RBFOX1: variants seen among roughly 807,000 people sequenced by gnomAD.
RBFOX1 encodes RNA binding protein fox-1 homolog 1.
In RBFOX1, 8 loss-of-function variants were observed where a neutral mutation model predicts 57.7. That is an observed-to-expected ratio of 0.14 (90% confidence interval 0.08 to 0.25). The LOEUF is 0.25. RBFOX1 is among the 10% of genes least tolerant of loss of function. RBFOX1 has a pLI of 1.00. For synonymous variants in RBFOX1, 326 were observed against 222.4 expected (o/e 1.47, Z -4.15); for missense variants, 611 against 548.5 (o/e 1.11, Z -1.14).
intron 4 of RBFOX1, among the ~76,000 whole-genome samples, chr16:7,492,855 C>T (rs1279359674): frequency 1.3e-5 from 2 of 152,128 alleles, no homozygotes; most frequent in Non-Finnish European, 2.9e-5. Context: ...GAGACCTCCC[C>T]AGAAGCCAAA....
intron 1 of RBFOX1, among the ~76,000 whole-genome samples, chr16:5,354,827 T>G (rs1372189843): frequency 6.6e-6 from 1 of 152,180 alleles, no homozygotes; most frequent in African/African-American, 2.4e-5. Context: ...AGACTCCTGA[T>G]GGCAGCAGCC....
At chr16:7,241,857 T>C (rs1361062268) in intron 4 of RBFOX1, among the ~76,000 whole-genome samples, 2 of 152,034 alleles carry the variant, frequency 1.3e-5, no homozygotes, top group African/African-American at 4.8e-5. Flanking sequence ...AATATGTATA[T>C]AAGTATATAT....
chr16:7,584,083 G>T (rs192676485), intron 6 of RBFOX1, among the ~76,000 whole-genome samples: 39 of 152,272 alleles, frequency 2.6e-4, no homozygotes, highest in Admixed American at 2.0e-3. Context: ...TCTGCATTCT[G>T]AACAGGAAGC....
At chr16:5,332,239 C>T (rs962220832) in intron 1 of RBFOX1, among the ~76,000 whole-genome samples, 2 of 151,976 alleles carry the variant, frequency 1.3e-5, no homozygotes, top group Non-Finnish European at 2.9e-5. Context: ...CACGCAGAGG[C>T]ATTTGCCTCA....
chr16:7,215,069 C>T (rs11865256), intron 4 of RBFOX1, among the ~76,000 whole-genome samples: 58,304 of 151,866 alleles, frequency 0.38, 11,377 homozygotes, highest in Middle Eastern at 0.44. Flanking sequence ...CTCCACCCCC[C>T]GCGGACAGGC....
intron 2 of RBFOX1, chr16:6,483,813 G>T: frequency 7.4e-7 from 1 of 1,359,796 alleles, no homozygotes; most frequent in Admixed American, 3.1e-5. Context: ...CGCCTCCGGG[G>T]CTGCTGATTA....
chr16:6,494,766 C>T (rs145446686), intron 2 of RBFOX1, among the ~76,000 whole-genome samples: 1 of 152,154 alleles, frequency 6.6e-6, no homozygotes, highest in African/African-American at 2.4e-5. Context: ...CATTGGAAGT[C>T]AATGCCAGTT....
chr16:6,053,294 G>C (rs565332479), intron 1 of RBFOX1, among the ~76,000 whole-genome samples: 1 of 152,326 alleles, frequency 6.6e-6, no homozygotes, highest in South Asian at 2.1e-4. Flanking sequence ...GTGTCCCAGA[G>C]CAGGAATTGC....
At chr16:6,972,480 T>G (rs1482439524) in intron 3 of RBFOX1, among the ~76,000 whole-genome samples, 1 of 152,204 alleles carries the variant, frequency 6.6e-6, no homozygotes, top group East Asian at 1.9e-4. Flanking sequence ...TATTTATCCA[T>G]TCATCTGTCA....
intron 2 of RBFOX1, among the ~76,000 whole-genome samples, chr16:5,486,092 T>C (rs1318596621): frequency 6.6e-6 from 1 of 152,206 alleles, no homozygotes; most frequent in Non-Finnish European, 1.5e-5. Flanking sequence ...GAAGCACTTC[T>C]CTGAGAACTG....
chr16:7,456,030 G>A (rs1183140576), intron 4 of RBFOX1, among the ~76,000 whole-genome samples: 1 of 152,128 alleles, frequency 6.6e-6, no homozygotes, highest in Non-Finnish European at 1.5e-5. Flanking sequence ...TGGTCATGCA[G>A]GGCCCCAGGC....
intron 14 of RBFOX1, among the ~76,000 whole-genome samples, chr16:7,689,880 T>A (rs2147313788): frequency 6.6e-6 from 1 of 152,218 alleles, no homozygotes; most frequent in Admixed American, 6.5e-5. Flanking sequence ...TTAGAAGGCA[T>A]CTAGAAACTA....
intron 1 of RBFOX1, among the ~76,000 whole-genome samples, chr16:5,315,306 C>G (rs1411685704): frequency 6.6e-6 from 1 of 152,154 alleles, no homozygotes; most frequent in Non-Finnish European, 1.5e-5. Context: ...ATTAGCATTT[C>G]CATGTTTAAT....
chr16:6,953,808 C>G (rs1263504647), intron 3 of RBFOX1, among the ~76,000 whole-genome samples: 2 of 152,170 alleles, frequency 1.3e-5, no homozygotes, highest in African/African-American at 2.4e-5. Context: ...TGGTTTGCAA[C>G]TGATAGAACC....
intron 1 of RBFOX1, among the ~76,000 whole-genome samples, chr16:5,436,682 A>G (rs2067927732): frequency 6.6e-6 from 1 of 152,050 alleles, no homozygotes; most frequent in African/African-American, 2.4e-5. Context: ...TACTCAAAAT[A>G]CAAAAATTAG....
chr16:5,601,752 G>A (rs1567283079), downstream of RBFOX1: 2 of 152,244 alleles, frequency 1.3e-5, no homozygotes, highest in Non-Finnish European at 2.9e-5. Context: ...AAAGAGCCTT[G>A]ATATTGGTGG....
chr16:6,284,565 T>C, intron 1 of RBFOX1, among the ~76,000 whole-genome samples: 1 of 152,158 alleles, frequency 6.6e-6, no homozygotes, highest in East Asian at 1.9e-4. Context: ...GAAGACGCCA[T>C]AGCAACAATA....
intron 4 of RBFOX1, among the ~76,000 whole-genome samples, chr16:5,999,503 C>A (rs569363841): frequency 1.6e-3 from 236 of 152,238 alleles, no homozygotes; most frequent in Non-Finnish European, 2.6e-3. Flanking sequence ...AACTTACATG[C>A]TAAGGCTTTA....
chr16:6,774,210 C>A (rs536925756), intron 3 of RBFOX1, among the ~76,000 whole-genome samples: 23 of 152,226 alleles, frequency 1.5e-4, no homozygotes, highest in African/African-American at 5.5e-4. Flanking sequence ...TAGTAGGTTT[C>A]TCTGTCTGTT....
Sources: gnomAD v4.1 joint callset for allele counts (sites outside exome capture counted in the v4.1 genomes callset) on GRCh38, gnomAD v4.1.1 for gene constraint, MANE v1.5 for transcripts, NCBI Gene and HGNC (gene_info 2026-07-23, HGNC 2026-07-21) for gene names.